SNTB1: variants seen among roughly 807,000 people sequenced by gnomAD.
The protein encoded by SNTB1 is beta-1-syntrophin.
In SNTB1, 36 loss-of-function variants were observed where a neutral mutation model predicts 48.9. That is an observed-to-expected ratio of 0.74 (90% CI 0.56 to 0.97). The LOEUF (loss-of-function observed/expected upper bound fraction) is 0.97, where lower values mean the gene tolerates loss of function less well. SNTB1 is among the 50% of genes least tolerant of loss of function. The pLI is 0.00. For missense variants in SNTB1, 786 were observed against 703.4 expected, an observed-to-expected ratio of 1.12 and a Z score of -1.33; for synonymous variants, 299 against 294.6, an observed-to-expected ratio of 1.01 and a Z score of -0.15.
chr8:120,778,131 G>C (rs992352084), intron 1 of SNTB1, among the ~76,000 whole-genome samples: 1 of 152,170 alleles, frequency 6.6e-6, no homozygotes, highest in African/African-American at 2.4e-5. Context: ...ATACAACCCA[G>C]GTGGGTTCCA....
intron 3 of SNTB1, among the ~76,000 whole-genome samples, chr8:120,603,248 C>T (rs1412043998): frequency 1.3e-5 from 2 of 152,020 alleles, no homozygotes; most frequent in African/African-American, 2.4e-5. Flanking sequence ...ACTACAGGTG[C>T]GCCACCATGC....
At chr8:120,745,885 C>T (rs908290998) in intron 1 of SNTB1, among the ~76,000 whole-genome samples, 6 of 152,146 alleles carry the variant, frequency 3.9e-5, no homozygotes, top group Admixed American at 1.3e-4. Context: ...AGAGTTACTC[C>T]GTCATGCACC....
chr8:120,711,394 G>A (rs1460315924), intron 1 of SNTB1, among the ~76,000 whole-genome samples: 1 of 151,876 alleles, frequency 6.6e-6, no homozygotes, highest in East Asian at 1.9e-4. Flanking sequence ...ACATTTCAAG[G>A]CCTCACAGCT....
At chr8:120,666,939 C>T (rs984343544) in intron 2 of SNTB1, among the ~76,000 whole-genome samples, 1 of 151,844 alleles carries the variant, frequency 6.6e-6, no homozygotes, top group African/African-American at 2.4e-5. Context: ...ACTTTTTGAT[C>T]ATAAGGAATA....
intron 1 of SNTB1, among the ~76,000 whole-genome samples, chr8:120,745,642 A>T (rs1819114614): frequency 6.6e-6 from 1 of 152,136 alleles, no homozygotes; most frequent in African/African-American, 2.4e-5. Flanking sequence ...AACATGGAGG[A>T]GAACTCTTAT....
rs567655397 is a variant in SNTB1 at position 120,806,103 on chromosome 8, A to C, written c.571+5170T>G. Among the ~76,000 whole-genome samples, 22 of 152,368 alleles carry C rather than the reference A, an allele frequency of 1.4e-4. No homozygotes were observed. The South Asian group carries it at 4.1e-3, about 29-fold the overall frequency. On this transcript the variant is annotated intron_variant, in intron 1 of 6. Coordinates refer to ENST00000517992, the MANE Select transcript of SNTB1 (RefSeq NM_021021.4). Reference sequence around the variant, plus strand: ...GCAAAAGGTTAGGCACTACAAAGTGACGAGGCAGAATTAGCATTCTTACAG... The same window carrying C: ...GCAAAAGGTTAGGCACTACAAAGTGCCGAGGCAGAATTAGCATTCTTACAG...
intron 1 of SNTB1, among the ~76,000 whole-genome samples, chr8:120,707,717 C>T (rs1233568569): frequency 6.6e-6 from 1 of 152,046 alleles, no homozygotes. Context: ...ATAGATATTC[C>T]AAGCACCAGA....
rs911097354 is a variant in SNTB1 at position 120,743,459 on chromosome 8, G to A, written c.572-49551C>T. On this transcript the variant is annotated intron_variant, in intron 1 of 6. Coordinates refer to ENST00000517992, the MANE Select transcript of SNTB1 (RefSeq NM_021021.4). ...ATCCGCAATGCAGGCAGGAGTGATCGGACTGTATTAATGGAAAGTTGCATA... is the reference window on the plus strand; with the variant it reads ...ATCCGCAATGCAGGCAGGAGTGATCAGACTGTATTAATGGAAAGTTGCATA... Among the ~76,000 whole-genome samples the A allele has an allele frequency of 4.5e-4, 69 of 152,160 alleles. 1 individual carries two copies. Among genetic ancestry groups the A allele is most frequent in the African/African-American group, 1.5e-3 (64 of 41,436 alleles).
At chr8:120,783,477 C>A (rs1251332878) in intron 1 of SNTB1, among the ~76,000 whole-genome samples, 1 of 152,040 alleles carries the variant, frequency 6.6e-6, no homozygotes, top group African/African-American at 2.4e-5. Flanking sequence ...AATGTCAATA[C>A]CCCTAACCAA....
At chr8:120,789,246 G>T (rs912120434) in intron 1 of SNTB1, among the ~76,000 whole-genome samples, 1 of 151,926 alleles carries the variant, frequency 6.6e-6, no homozygotes, top group Non-Finnish European at 1.5e-5. Context: ...CAAAAGGCGT[G>T]CTAAGAAGAA....
intron 3 of SNTB1, among the ~76,000 whole-genome samples, chr8:120,579,416 C>T (rs1192741119): frequency 6.6e-6 from 1 of 152,122 alleles, no homozygotes; most frequent in Admixed American, 6.6e-5. Flanking sequence ...GTGGCTCATG[C>T]CTATACTCCC....
intron 1 of SNTB1, among the ~76,000 whole-genome samples, chr8:120,721,169 T>C (rs1818653543): frequency 6.6e-6 from 1 of 152,214 alleles, no homozygotes; most frequent in South Asian, 2.1e-4. Context: ...CTTTAAGGGA[T>C]TATACACATA....
chr8:120,649,958 G>A (rs924338677), intron 2 of SNTB1, among the ~76,000 whole-genome samples: 1 of 152,162 alleles, frequency 6.6e-6, no homozygotes, highest in African/African-American at 2.4e-5. Flanking sequence ...CCCTTTCTTT[G>A]ACTCAGAAAG....
intron 4 of SNTB1, among the ~76,000 whole-genome samples, chr8:120,574,319 A>AT (rs1815912510): frequency 6.6e-6 from 1 of 152,220 alleles, no homozygotes; most frequent in African/African-American, 2.4e-5. Flanking sequence ...ACAACATGGT[A>AT]TTATATACCT....
intron 1 of SNTB1, among the ~76,000 whole-genome samples, chr8:120,792,177 A>G (rs762568533): frequency 2.0e-5 from 3 of 151,810 alleles, no homozygotes; most frequent in Non-Finnish European, 2.9e-5. Flanking sequence ...GCCATAAAAA[A>G]GAACAAAATA....
chr8:120,777,738 G>C (rs952336228), intron 1 of SNTB1, among the ~76,000 whole-genome samples: 5 of 152,184 alleles, frequency 3.3e-5, no homozygotes, highest in Non-Finnish European at 7.3e-5. Flanking sequence ...TAAATCCCAG[G>C]AGAAATATCT....
chr8:120,779,224 G>A (rs1819789955), intron 1 of SNTB1, among the ~76,000 whole-genome samples: 1 of 152,188 alleles, frequency 6.6e-6, no homozygotes, highest in South Asian at 2.1e-4. Context: ...AAACTGTAAG[G>A]CTGGGCGTGG....
chr8:120,632,408 G>A, intron 3 of SNTB1, 36 bp downstream of exon 3: 1 of 1,585,234 alleles, frequency 6.3e-7, no homozygotes, highest in South Asian at 1.1e-5. Context: ...GAATCTCGGG[G>A]AGGACGACTA....
intron 1 of SNTB1, among the ~76,000 whole-genome samples, chr8:120,739,256 CCT>C (rs1311747265): frequency 1.3e-5 from 2 of 152,162 alleles, no homozygotes; most frequent in African/African-American, 4.8e-5. Flanking sequence ...AGCAAACCTT[CCT>C]CAGGGGAACA....
Sources: gnomAD v4.1 joint callset for allele counts (sites outside exome capture counted in the v4.1 genomes callset) on GRCh38, gnomAD v4.1.1 for gene constraint, MANE v1.5 for transcripts, NCBI Gene and HGNC (gene_info 2026-07-23, HGNC 2026-07-21) for gene names.